Variants in FAT1 observed in about 807,000 individuals in gnomAD.
FAT1 encodes FAT atypical cadherin 1.
Under a neutral mutation model 329.8 loss-of-function variants are expected in FAT1, and 171 were observed. The ratio of observed to expected loss-of-function variants is 0.52; its 90% CI spans 0.46 to 0.59. The LOEUF (loss-of-function observed/expected upper bound fraction) is 0.59, where lower values mean the gene tolerates loss of function less well. Among genes scored for constraint, FAT1 ranks in the 20% least tolerant of loss-of-function variants. The pLI, the probability that FAT1 is intolerant of heterozygous loss-of-function variation, is 0.00. For missense variants in FAT1, 5,672 were observed against 5,774.4 expected, an observed-to-expected ratio of 0.98 and a Z score of 0.57; for synonymous variants, 2,233 against 2,228.6, an observed-to-expected ratio of 1.00 and a Z score of -0.06.
At position 186,611,359 on chromosome 4, in the gene FAT1, T is replaced by A. The variant is rs1409274613; in HGVS notation, c.9853+27A>T. ...CTAGTTTTCTTGGTGGAATGAAGGGTTTCCTCTCAGATACATGGTAGGTTA... is the reference window on the plus strand; with the variant it reads ...CTAGTTTTCTTGGTGGAATGAAGGGATTCCTCTCAGATACATGGTAGGTTA... On this transcript the variant is annotated intron_variant, in intron 14 of 26. Coordinates refer to ENST00000441802, the MANE Select transcript of FAT1 (RefSeq NM_005245.4). 6 of 1,565,462 alleles carry A rather than the reference T, an allele frequency of 3.8e-6. No individual in the cohort carries two copies. The South Asian group carries it at 7.2e-5, about 19-fold the overall frequency.
chr4:186,655,950 T>C (rs959800040), intron 3 of FAT1, among the ~76,000 whole-genome samples: 1 of 152,244 alleles, frequency 6.6e-6, no homozygotes, highest in Non-Finnish European at 1.5e-5. Context: ...CGACCGCCAG[T>C]ACCTGAAAGT....
At chr4:186,714,956 T>C (rs1745140509) in intron 1 of FAT1, among the ~76,000 whole-genome samples, 1 of 151,980 alleles carries the variant, frequency 6.6e-6, no homozygotes, top group South Asian at 2.1e-4. Context: ...TGTGCGCCTG[T>C]AGTCCCAGCT....
chr4:186,638,257 A>G (rs544590644), intron 4 of FAT1, among the ~76,000 whole-genome samples: 8 of 152,346 alleles, frequency 5.3e-5, no homozygotes, highest in East Asian at 3.9e-4. Context: ...AAAGTGCTAT[A>G]TATCTGGTAT....
In FAT1 at chr4:186,610,010, C is replaced by T. The variant is rs747163395; in HGVS notation, c.9859G>A (p.Val3287Ile). Residue 3287 changes from valine (V) to isoleucine (I), a missense_variant, in exon 15 of 27, where the codon GTA (valine) becomes ATA (isoleucine). Physicochemically the swap from Val to Ile is conservative, Grantham distance 29. Around this residue, in one of 2 missense-constraint regions of FAT1, gnomAD observed 1,706 missense variants for 1,859.1 expected, o/e 0.92. Transcript: ENST00000441802. ...KFSIDSKTGA[V>I]FIIENLDYES... ...TAATCCAGATTCTCAATGATAAATA[C>T]GGCCCCTGAATAGAAATCAAAATTA... 35 of 1,602,482 alleles carry T rather than the reference C, an allele frequency of 2.2e-5. No homozygotes were observed. Among genetic ancestry groups the T allele is most frequent in the Admixed American group, 1.7e-4 (10 of 59,914 alleles).
chr4:186,713,084 T>C (rs182418381), intron 1 of FAT1, among the ~76,000 whole-genome samples: 3 of 152,034 alleles, frequency 2.0e-5, no homozygotes, highest in Admixed American at 1.3e-4. Flanking sequence ...TAGTACATTA[T>C]ACTAGATACA....
intron 1 of FAT1, among the ~76,000 whole-genome samples, chr4:186,717,593 A>G (rs1168187656): frequency 6.6e-6 from 1 of 152,218 alleles, no homozygotes; most frequent in African/African-American, 2.4e-5. Context: ...TCAATCCAAA[A>G]TAGATTCCTG....
At chr4:186,636,965 A>C in intron 4 of FAT1, 51 bp from the exon 5 acceptor site, 1 of 1,486,566 alleles carries the variant, frequency 6.7e-7, no homozygotes, top group Non-Finnish European at 9.1e-7. Context: ...CTATATAAAA[A>C]GTGAGCATCT....
In FAT1 at chr4:186,613,361, G is replaced by A; in HGVS notation, c.9230-19C>T. ...AGTTCACCTACAAACAAAAACAAAT[G>A]GACTCACTTGTAATTTAAGACGTGA... On this transcript the variant is annotated intron_variant, in intron 12 of 26. Coordinates refer to ENST00000441802, the MANE Select transcript of FAT1 (RefSeq NM_005245.4). 6.3e-7 allele frequency: 1 copy of A among 1,577,724 alleles called. No individual in the cohort carries two copies. The highest frequency in any genetic ancestry group is 8.7e-7 in the Non-Finnish European group (1 of 1,146,982).
At position 186,628,360 on chromosome 4, in the gene FAT1, C is replaced by T. The variant is rs1040319596; in HGVS notation, c.4604G>A (p.Arg1535Gln). The change falls in exon 9 of 27, where the codon CGA becomes CAA. Residue 1535 changes from arginine (R) to glutamine (Q), a missense_variant. Around this residue, in one of 2 missense-constraint regions of FAT1, gnomAD observed 3,966 missense variants for 3,915.2 expected, o/e 1.01. Transcript: ENST00000441802. ...VHQHTLTVMV[R>Q]DQDVPVKRNF... ...GCGTTTTACAGGCACATCTTGATCT[C>T]GTACCTAAAAAGAATTGACACATTA... The T allele has an allele frequency of 6.2e-6, 10 of 1,612,000 alleles. No homozygotes were observed. Among genetic ancestry groups the T allele is most frequent in the East Asian group, 4.5e-5 (2 of 44,838 alleles).
chr4:186,716,114 T>C (rs941994043), intron 1 of FAT1, among the ~76,000 whole-genome samples: 1 of 152,150 alleles, frequency 6.6e-6, no homozygotes, highest in Non-Finnish European at 1.5e-5. Context: ...AGACACAGCA[T>C]CACACAATGC....
chr4:186,590,600 T>C, intron 26 of FAT1: 1 of 458,808 alleles, frequency 2.2e-6, no homozygotes, highest in Non-Finnish European at 4.4e-6. Flanking sequence ...AAATGGAATA[T>C]GGAAGTGGAG....
intron 3 of FAT1, among the ~76,000 whole-genome samples, chr4:186,651,235 GA>G (rs1417483187): frequency 6.6e-6 from 1 of 151,866 alleles, no homozygotes; most frequent in Non-Finnish European, 1.5e-5. Flanking sequence ...GATAGCACCT[GA>G]CTGTCCCTTT....
chr4:186,713,718 C>T (rs1163137270), intron 1 of FAT1, among the ~76,000 whole-genome samples: 4 of 152,082 alleles, frequency 2.6e-5, no homozygotes, highest in East Asian at 1.9e-4. Context: ...TGCAGTGGCG[C>T]GATCACGGCT....
intron 5 of FAT1, 117 bp from the exon 6 acceptor site, chr4:186,636,352 T>C: frequency 4.2e-6 from 4 of 944,178 alleles, no homozygotes; most frequent in South Asian, 3.2e-5. Flanking sequence ...ATTTCACATT[T>C]GTATTCTGTG....
At chr4:186,615,280 C>T (rs1739659925) in intron 11 of FAT1, among the ~76,000 whole-genome samples, 1 of 151,968 alleles carries the variant, frequency 6.6e-6, no homozygotes, top group Non-Finnish European at 1.5e-5. Context: ...CTGGAATTAA[C>T]TCCTCATCCC....
At chr4:186,595,466 C>G (rs1738454287) in intron 26 of FAT1, among the ~76,000 whole-genome samples, 1 of 152,148 alleles carries the variant, frequency 6.6e-6, no homozygotes, top group African/African-American at 2.4e-5. Flanking sequence ...TGAATATGTT[C>G]TTCTCTATTA....
intron 26 of FAT1, among the ~76,000 whole-genome samples, chr4:186,591,025 G>T (rs1738216317): frequency 6.6e-6 from 1 of 152,194 alleles, no homozygotes; most frequent in Non-Finnish European, 1.5e-5. Flanking sequence ...CCCTGCCAGG[G>T]CCCCGCATCT....
chr4:186,627,191 A>G (rs1490294439), intron 9 of FAT1, among the ~76,000 whole-genome samples: 1 of 102,904 alleles, frequency 9.7e-6, no homozygotes, highest in Non-Finnish European at 2.0e-5. Context: ...TGAATGAGGG[A>G]CCAACATGGC....
intron 2 of FAT1, among the ~76,000 whole-genome samples, chr4:186,699,092 T>C (rs887459157): frequency 2.0e-5 from 3 of 152,150 alleles, no homozygotes; most frequent in Non-Finnish European, 4.4e-5. Context: ...AGACAGTCTA[T>C]GGAAAGACCA....
Sources: gnomAD v4.1 joint callset for allele counts (sites outside exome capture counted in the v4.1 genomes callset) on GRCh38, gnomAD v4.1.1 for gene constraint, gnomAD v4.1.1 regional missense constraint, MANE v1.5 for transcripts, NCBI Gene and HGNC (gene_info 2026-07-23, HGNC 2026-07-21) for gene names.